PTPRG: variants seen among roughly 807,000 people sequenced by gnomAD.
PTPRG encodes the protein receptor-type tyrosine-protein phosphatase gamma.
PTPRG carries 102 observed loss-of-function variants against 165.3 expected under a neutral mutation model. The observed-to-expected ratio is 0.62, with a 90% confidence interval of 0.53 to 0.73. PTPRG has a LOEUF of 0.73. Among genes scored for constraint, PTPRG ranks in the 30% least tolerant of loss-of-function variants. PTPRG has a pLI of 0.00. For missense variants in PTPRG, 1,866 were observed against 1,861.4 expected (o/e 1.00, Z -0.05); for synonymous variants, 675 against 669.5 (o/e 1.01, Z -0.13).
At position 62,277,592 on chromosome 3, in the gene PTPRG, T is replaced by C; in HGVS notation, c.3678T>C (p.Pro1226=). ...RSNEFIITQH[P]LPHTTKDFWR... is the part of the protein sequence containing the mutation. ...ATGAATTTATTATAACTCAGCATCC[T>C]CTGCCACATACTACGAAAGATTTCT... Residue 1226 remains proline (P), a synonymous_variant, in exon 26 of 30, where the codon CCT becomes CCC. Coordinates refer to ENST00000474889, the MANE Select transcript of PTPRG (RefSeq NM_002841.4). 1 of 1,612,518 alleles carries C rather than the reference T, an allele frequency of 6.2e-7. No homozygotes were observed. The highest frequency in any genetic ancestry group is 1.3e-5 in the African/African-American group (1 of 74,988).
At chr3:61,941,920 A>G (rs2039640698) in intron 2 of PTPRG, among the ~76,000 whole-genome samples, 1 of 151,856 alleles carries the variant, frequency 6.6e-6, no homozygotes, top group South Asian at 2.1e-4. Flanking sequence ...ATACTTTGGA[A>G]GGTCGCGGCG....
In PTPRG at chr3:61,950,401, T is replaced by C. The variant is rs138346677; in HGVS notation, c.191-39224T>C. Among the ~76,000 whole-genome samples, 481 of 152,334 alleles carry C rather than the reference T, an allele frequency of 3.2e-3. 1 individual carries two copies. The highest frequency in any genetic ancestry group is 0.011 in the African/African-American group (463 of 41,566). On this transcript the variant is annotated intron_variant, in intron 2 of 29. Coordinates refer to ENST00000474889, the MANE Select transcript of PTPRG (RefSeq NM_002841.4). ...CCAGTCTTGTGGAAGTTGTATCTTATGTTTTTTGCCCCCATGATTTTAGAC... is the reference window on the plus strand; with the variant it reads ...CCAGTCTTGTGGAAGTTGTATCTTACGTTTTTTGCCCCCATGATTTTAGAC...
At chr3:61,655,628 T>G (rs1397580621) in intron 1 of PTPRG, among the ~76,000 whole-genome samples, 1 of 152,146 alleles carries the variant, frequency 6.6e-6, no homozygotes, top group Non-Finnish European at 1.5e-5. Context: ...AACAGGGTCT[T>G]ACTTTGTCAC....
chr3:61,969,818 C>G (rs915347631), intron 2 of PTPRG, among the ~76,000 whole-genome samples: 5 of 152,076 alleles, frequency 3.3e-5, no homozygotes, highest in Non-Finnish European at 7.4e-5. Context: ...AGGGATACAG[C>G]GATAATGATT....
In PTPRG at chr3:61,872,931, C is replaced by T. The variant is rs111437379; in HGVS notation, c.191-116694C>T. On this transcript the variant is annotated intron_variant, in intron 2 of 29. Coordinates refer to ENST00000474889, the MANE Select transcript of PTPRG (RefSeq NM_002841.4). ...TGCTCTCCTTGAAATTACCTTTTAC[C>T]TTTGAGATCCATCTAGAAAAAAATC... 9.7e-3 allele frequency among the ~76,000 whole-genome samples: 1,478 copies of T among 152,224 alleles called. 18 individuals carry two copies. Among genetic ancestry groups the T allele is most frequent in the African/African-American group, 0.03 (1,235 of 41,526 alleles).
chr3:61,923,557 TC>T (rs1020613732), intron 2 of PTPRG, among the ~76,000 whole-genome samples: 4 of 97,794 alleles, frequency 4.1e-5, no homozygotes, highest in Non-Finnish European at 6.2e-5. Flanking sequence ...ACCCTTCCCC[TC>T]CCCCCACCCC....
chr3:61,643,260 G>GGAGAGAGAGAGA (rs926734882), intron 1 of PTPRG, among the ~76,000 whole-genome samples: 1 of 138,506 alleles, frequency 7.2e-6, no homozygotes, highest in South Asian at 2.2e-4. Flanking sequence ...CCCCATCTGG[G>GGAGAGAGAGAGA]GAGAGAGAGA....
At chr3:62,170,732 T>A (rs940279127) in intron 8 of PTPRG, among the ~76,000 whole-genome samples, 8 of 152,188 alleles carry the variant, frequency 5.3e-5, no homozygotes, top group African/African-American at 9.7e-5. Flanking sequence ...TTCTGATATT[T>A]TTAGAGCCAA....
chr3:62,002,417 TTGAATGAA>T (rs201708887), intron 3 of PTPRG, among the ~76,000 whole-genome samples: 2 of 152,218 alleles, frequency 1.3e-5, no homozygotes, highest in Non-Finnish European at 2.9e-5. Context: ...TAAGTATTTA[TTGAATGAA>T]TGAATGAATG....
chr3:61,698,678 C>A (rs1232809645), intron 1 of PTPRG, among the ~76,000 whole-genome samples: 1 of 152,092 alleles, frequency 6.6e-6, no homozygotes, highest in Non-Finnish European at 1.5e-5. Flanking sequence ...TTATGTGGAT[C>A]ATATCTGTGG....
At chr3:61,875,850 C>T (rs1003154884) in intron 2 of PTPRG, among the ~76,000 whole-genome samples, 1 of 152,124 alleles carries the variant, frequency 6.6e-6, no homozygotes, top group Non-Finnish European at 1.5e-5. Flanking sequence ...GGCTGCACTC[C>T]GTTTCATTTT....
intron 28 of PTPRG, among the ~76,000 whole-genome samples, chr3:62,284,530 T>C (rs184446966): frequency 3.9e-5 from 6 of 152,264 alleles, no homozygotes; most frequent in African/African-American, 9.6e-5. Context: ...GTTAATTCCA[T>C]TGAAATTATT....
At chr3:61,621,051 A>ATATATATATATATATG in intron 1 of PTPRG, among the ~76,000 whole-genome samples, 2 of 117,982 alleles carry the variant, frequency 1.7e-5, no homozygotes, top group Admixed American at 9.4e-5. Flanking sequence ...ATATATATAT[A>ATATATATATATATATG]TGTGTGTGTG....
At chr3:61,812,580 C>T (rs1290550905) in intron 2 of PTPRG, among the ~76,000 whole-genome samples, 1 of 152,192 alleles carries the variant, frequency 6.6e-6, no homozygotes, top group East Asian at 1.9e-4. Context: ...TGCCTTTGCT[C>T]ACCAAAAGTC....
At chr3:61,609,812 C>G (rs757561560) in intron 1 of PTPRG, among the ~76,000 whole-genome samples, 2 of 151,984 alleles carry the variant, frequency 1.3e-5, no homozygotes, top group Non-Finnish European at 2.9e-5. Flanking sequence ...TGACTGCACT[C>G]TAGCCTGGGC....
intron 1 of PTPRG, among the ~76,000 whole-genome samples, chr3:61,735,694 C>A (rs894830265): frequency 1.1e-4 from 16 of 152,206 alleles, no homozygotes; most frequent in African/African-American, 3.9e-4. Flanking sequence ...GCATATTTGT[C>A]CCTGAATACA....
Position 61,992,408 on chromosome 3 carries a change from G to A in PTPRG, c.370+2604G>A, listed in dbSNP as rs563843998. ...CGGTCTCACTCTGTTGCCCGGGCTGGAGTTCAGTTGGCATGATCTCAGCTC... is the reference window on the plus strand; with the variant it reads ...CGGTCTCACTCTGTTGCCCGGGCTGAAGTTCAGTTGGCATGATCTCAGCTC... On this transcript the variant is annotated intron_variant, in intron 3 of 29. Transcript: ENST00000474889. Among the ~76,000 whole-genome samples the A allele has an allele frequency of 3.9e-5, 6 of 152,248 alleles. No individual in the cohort carries two copies. The East Asian group carries it at 1.2e-3, about 29-fold the overall frequency.
Position 62,267,456 on chromosome 3 carries a change from T to C in PTPRG, c.2703T>C (p.Ser901=), listed in dbSNP as rs370108297. 6.2e-7 allele frequency: 1 copy of C among 1,612,316 alleles called. No individual in the cohort carries two copies. The highest frequency in any genetic ancestry group is 8.5e-7 in the Non-Finnish European group (1 of 1,178,550). ...VKLRPLPGKD[S]KHSDYINANY... is the part of the protein sequence containing the mutation. ...TAAGACCTTTACCAGGAAAAGACTCTAAGCACAGCGACTACATTAATGCAA... is the reference window on the plus strand; with the variant it reads ...TAAGACCTTTACCAGGAAAAGACTCCAAGCACAGCGACTACATTAATGCAA... The change falls in exon 18 of 30, where the codon TCT becomes TCC. Residue 901 remains serine, a synonymous_variant. Transcript: ENST00000474889.
intron 10 of PTPRG, among the ~76,000 whole-genome samples, chr3:62,199,146 A>G (rs1700037324): frequency 1.3e-5 from 2 of 152,116 alleles, no homozygotes; most frequent in African/African-American, 4.8e-5. Flanking sequence ...TTCCTGTCTT[A>G]ACTAGGGGAG....
Sources: gnomAD v4.1 joint callset for allele counts (sites outside exome capture counted in the v4.1 genomes callset) on GRCh38, gnomAD v4.1.1 for gene constraint, MANE v1.5 for transcripts, NCBI Gene and HGNC (gene_info 2026-07-23, HGNC 2026-07-21) for gene names.